Variants in MAGI2 observed in about 807,000 individuals in gnomAD.
MAGI2 encodes the protein membrane-associated guanylate kinase, WW and PDZ domain-containing protein 2.
Under a neutral mutation model 133.3 loss-of-function variants are expected in MAGI2, and 35 were observed. The ratio of observed to expected loss-of-function variants is 0.26; its 90% CI spans 0.20 to 0.35. The LOEUF is 0.35. Ranked by LOEUF, MAGI2 falls within the 10% of genes least tolerant of loss-of-function variation. MAGI2 has a pLI of 1.00. For missense variants in MAGI2, 1,636 were observed against 1,863.4 expected (o/e 0.88, Z 2.25); for synonymous variants, 729 against 710.6 (o/e 1.03, Z -0.41).
intron 20 of MAGI2, among the ~76,000 whole-genome samples, chr7:78,116,275 C>T (rs1388781329): frequency 6.6e-6 from 1 of 150,830 alleles, no homozygotes; most frequent in African/African-American, 2.4e-5. Flanking sequence ...GAACATACTA[C>T]ATATTAAATC....
chr7:78,620,820 T>C (rs926921354), intron 3 of MAGI2, among the ~76,000 whole-genome samples: 11 of 151,972 alleles, frequency 7.2e-5, no homozygotes, highest in African/African-American at 2.4e-4. Context: ...GATAGAAAAA[T>C]AGCTTTATTT....
intron 2 of MAGI2, among the ~76,000 whole-genome samples, chr7:78,893,941 A>G (rs1205906783): frequency 6.6e-6 from 1 of 152,156 alleles, no homozygotes; most frequent in African/African-American, 2.4e-5. Flanking sequence ...TTTACTCACT[A>G]TAATATAGAT....
chr7:78,376,118 A>T (rs1223158786), intron 6 of MAGI2, among the ~76,000 whole-genome samples: 1 of 152,124 alleles, frequency 6.6e-6, no homozygotes, highest in African/African-American at 2.4e-5. Flanking sequence ...GTACAGGTAA[A>T]GCTGGGGGTG....
At chr7:79,011,163 T>A (rs1808050130) in intron 1 of MAGI2, 1 of 151,972 alleles carries the variant, frequency 6.6e-6, no homozygotes, top group Non-Finnish European at 1.5e-5. Flanking sequence ...ACACCTATGG[T>A]CTATTTGAGG....
chr7:78,787,206 A>T (rs1366433664), intron 2 of MAGI2, among the ~76,000 whole-genome samples: 1 of 152,082 alleles, frequency 6.6e-6, no homozygotes, highest in African/African-American at 2.4e-5. Flanking sequence ...TTGGCCTCCC[A>T]AAGTGCTGGG....
intron 1 of MAGI2, among the ~76,000 whole-genome samples, chr7:79,254,473 T>G (rs1391018734): frequency 6.6e-6 from 1 of 152,214 alleles, no homozygotes; most frequent in Non-Finnish European, 1.5e-5. Context: ...CTTGCCATTA[T>G]TTTCTCTATC....
intron 1 of MAGI2, among the ~76,000 whole-genome samples, chr7:79,364,539 G>T (rs2129126304): frequency 6.6e-6 from 1 of 152,028 alleles, no homozygotes; most frequent in Non-Finnish European, 1.5e-5. Context: ...TAATATTAAA[G>T]CTTGCTACAT....
In MAGI2 at chr7:78,168,036, C is replaced by T; in HGVS notation, c.2476G>A (p.Val826Met). The T allele has an allele frequency of 6.2e-7, 1 of 1,614,186 alleles. No homozygotes were observed. Among genetic ancestry groups the T allele is most frequent in the Non-Finnish European group, 8.5e-7 (1 of 1,180,026 alleles). Residue 826 changes from valine to methionine, a missense_variant, in exon 15 of 22, where the codon GTG (valine) becomes ATG (methionine). Coordinates refer to ENST00000354212, the MANE Select transcript of MAGI2 (RefSeq NM_012301.4). ...DGRLHPGDELVYVDGIPVAGK... is the reference protein window; with the variant it reads ...DGRLHPGDELMYVDGIPVAGK... Reference sequence around the variant, plus strand: ...GCTACTGGAATCCCATCAACATACACAAGCTCATCTCCTGGGTGAAGGCGG... The same window carrying T: ...GCTACTGGAATCCCATCAACATACATAAGCTCATCTCCTGGGTGAAGGCGG...
chr7:78,846,383 TGGGTA>T (rs1218871936), intron 2 of MAGI2, among the ~76,000 whole-genome samples: 2 of 151,882 alleles, frequency 1.3e-5, no homozygotes, highest in Non-Finnish European at 2.9e-5. Flanking sequence ...GTCAGATGGG[TGGGTA>T]TATAGCAAGT....
intron 1 of MAGI2, among the ~76,000 whole-genome samples, chr7:79,092,052 C>A (rs751712972): frequency 7.2e-5 from 11 of 152,006 alleles, no homozygotes; most frequent in Non-Finnish European, 1.0e-4. Context: ...AAAAGAAGCT[C>A]ATTCATGATT....
intron 21 of MAGI2, among the ~76,000 whole-genome samples, chr7:78,063,312 G>A (rs1434926512): frequency 3.3e-5 from 5 of 152,022 alleles, no homozygotes; most frequent in South Asian, 2.1e-4. Context: ...TGCAATCATC[G>A]CTCGTTGCAG....
chr7:78,552,520 G>A (rs1311263310), intron 3 of MAGI2, among the ~76,000 whole-genome samples: 5 of 152,152 alleles, frequency 3.3e-5, no homozygotes, highest in Non-Finnish European at 7.3e-5. Flanking sequence ...ACATGAAAAC[G>A]TGTAGCCGGC....
intron 1 of MAGI2, among the ~76,000 whole-genome samples, chr7:79,092,802 C>G (rs1817178594): frequency 6.6e-6 from 1 of 152,130 alleles, no homozygotes; most frequent in Non-Finnish European, 1.5e-5. Context: ...TTATTTTTAT[C>G]TCTTTTCAGG....
intron 9 of MAGI2, among the ~76,000 whole-genome samples, chr7:78,288,397 T>C (rs953371043): frequency 6.6e-6 from 1 of 152,248 alleles, no homozygotes; most frequent in Admixed American, 6.5e-5. Flanking sequence ...AATCATGTAC[T>C]GTTTAACTTC....
intron 3 of MAGI2, among the ~76,000 whole-genome samples, chr7:78,604,620 A>G (rs146950468): frequency 4.4e-4 from 67 of 152,382 alleles, no homozygotes; most frequent in Admixed American, 2.4e-3. Flanking sequence ...GCTTACATTT[A>G]TAATGAAATT....
intron 14 of MAGI2, among the ~76,000 whole-genome samples, chr7:78,168,463 C>T (rs1825826159): frequency 6.6e-6 from 1 of 152,148 alleles, no homozygotes; most frequent in Non-Finnish European, 1.5e-5. Context: ...TTTGGGGACA[C>T]CTGCTTTCTG....
rs60580466 is a variant in MAGI2, at chr7:78,853,332, C to CTTTTTTTTTTTTTTTTTTTTTTTTTTTTT, written c.418+153729_418+153757dup. ...CTCATATTACTCTTGTCCATTCGTT[C>CTTTTTTTTTTTTTTTTTTTTTTTTTTTTT]TTTTTTTTTTTTTTTTTTTTTTTTT... On this transcript the variant is annotated intron_variant, in intron 2 of 21. Transcript: ENST00000354212. Among the ~76,000 whole-genome samples, 2 of 25,076 alleles carry CTTTTTTTTTTTTTTTTTTTTTTTTTTTTT rather than the reference C, an allele frequency of 8.0e-5. 1 individual carries two copies. The highest frequency in any genetic ancestry group is 1.4e-4 in the Non-Finnish European group (2 of 13,910). 16.5% of individuals were successfully genotyped at this position (25,076 alleles called of 152,430 possible). A position where few individuals can be genotyped will look rare whatever the true frequency, so the allele number is the denominator to read the frequency against.
At chr7:78,762,826 G>A (rs2151303062) in intron 2 of MAGI2, among the ~76,000 whole-genome samples, 1 of 152,290 alleles carries the variant, frequency 6.6e-6, no homozygotes, top group African/African-American at 2.4e-5. Flanking sequence ...GAACACCTGT[G>A]TCTATAACTA....
intron 16 of MAGI2, among the ~76,000 whole-genome samples, chr7:78,143,758 G>C (rs1332395296): frequency 6.6e-6 from 1 of 152,096 alleles, no homozygotes; most frequent in Admixed American, 6.6e-5. Flanking sequence ...AATACGTCAA[G>C]TATGTACTCA....
Sources: gnomAD v4.1 joint callset for allele counts (sites outside exome capture counted in the v4.1 genomes callset) on GRCh38, gnomAD v4.1.1 for gene constraint, MANE v1.5 for transcripts, NCBI Gene and HGNC (gene_info 2026-07-23, HGNC 2026-07-21) for gene names.